Variants in OSBPL10 observed in about 807,000 individuals in gnomAD.
The protein encoded by OSBPL10 is oxysterol binding protein like 10, also known as oxysterol-binding protein-related protein 10.
A neutral mutation model predicts 81.7 loss-of-function variants in OSBPL10; 49 were observed. The ratio of observed to expected loss-of-function variants is 0.60; its 90% CI spans 0.48 to 0.76. OSBPL10 has a LOEUF of 0.76. Ranked by LOEUF, OSBPL10 falls within the 30% of genes least tolerant of loss-of-function variation. OSBPL10 has a pLI of 0.00. For missense variants in OSBPL10, 923 were observed against 987.8 expected, an observed-to-expected ratio of 0.93 and a Z score of 0.88; for synonymous variants, 419 against 383.6, an observed-to-expected ratio of 1.09 and a Z score of -1.08.
intron 1 of OSBPL10, among the ~76,000 whole-genome samples, chr3:31,916,827 G>T (rs1696770377): frequency 6.6e-6 from 1 of 152,122 alleles, no homozygotes; most frequent in African/African-American, 2.4e-5. Flanking sequence ...AAGACCAATT[G>T]TGTTGATTCA....
intron 4 of OSBPL10, among the ~76,000 whole-genome samples, chr3:31,776,209 C>T (rs926654683): frequency 2.0e-5 from 3 of 151,998 alleles, no homozygotes; most frequent in South Asian, 2.1e-4. Flanking sequence ...AACAAGCACA[C>T]GAAAAAAATG....
At chr3:31,887,028 C>T (rs1337549982) in intron 1 of OSBPL10, among the ~76,000 whole-genome samples, 7 of 152,106 alleles carry the variant, frequency 4.6e-5, no homozygotes, top group African/African-American at 7.2e-5. Flanking sequence ...CACGAACACA[C>T]TAATGGCAGA....
chr3:31,943,963 G>A (rs955951894), intron 1 of OSBPL10, among the ~76,000 whole-genome samples: 7 of 50,682 alleles, frequency 1.4e-4, no homozygotes, highest in South Asian at 9.7e-4. Flanking sequence ...GGAAGACTCC[G>A]TCTCAAAAAA....
chr3:31,896,472 G>C (rs1257258398), intron 1 of OSBPL10, among the ~76,000 whole-genome samples: 1 of 152,216 alleles, frequency 6.6e-6, no homozygotes, highest in Non-Finnish European at 1.5e-5. Flanking sequence ...CCCATCTCCA[G>C]CTCCCTCCTT....
chr3:31,747,867 T>C (rs1697574360), intron 5 of OSBPL10, 43 bp downstream of exon 5: 12 of 1,569,002 alleles, frequency 7.6e-6, no homozygotes, highest in Middle Eastern at 2.2e-4. Flanking sequence ...AGACACAGTG[T>C]GTGTACTCAT....
intron 3 of OSBPL10, among the ~76,000 whole-genome samples, chr3:31,869,160 CTA>C (rs1386183879): frequency 6.6e-6 from 1 of 152,174 alleles, no homozygotes; most frequent in Non-Finnish European, 1.5e-5. Flanking sequence ...CTTGCTTGAG[CTA>C]TATGACCTTA....
intron 8 of OSBPL10, among the ~76,000 whole-genome samples, chr3:31,680,566 A>C (rs1049112998): frequency 6.6e-6 from 1 of 152,158 alleles, no homozygotes; most frequent in Non-Finnish European, 1.5e-5. Context: ...GGATAGCTGG[A>C]CTCATCCGGG....
chr3:31,940,568 G>A (rs1167907487), intron 1 of OSBPL10, among the ~76,000 whole-genome samples: 1 of 152,152 alleles, frequency 6.6e-6, no homozygotes, highest in African/African-American at 2.4e-5. Context: ...TCATGGCAAA[G>A]GCCTTTGGGA....
intron 4 of OSBPL10, among the ~76,000 whole-genome samples, chr3:31,782,848 A>G (rs1051499691): frequency 7.2e-5 from 11 of 152,182 alleles, no homozygotes; most frequent in Non-Finnish European, 1.6e-4. Context: ...GAGAACGTCA[A>G]CTAGCGTAAC....
intron 4 of OSBPL10, among the ~76,000 whole-genome samples, chr3:31,765,418 C>T (rs1178951296): frequency 6.6e-6 from 1 of 152,122 alleles, no homozygotes; most frequent in Non-Finnish European, 1.5e-5. Flanking sequence ...CTTCTGTTCA[C>T]TGTTGTTTCC....
At chr3:31,823,820 TTTTAA>T (rs1402644856) in intron 4 of OSBPL10, among the ~76,000 whole-genome samples, 2 of 148,790 alleles carry the variant, frequency 1.3e-5, no homozygotes, top group Non-Finnish European at 3.0e-5. Flanking sequence ...ACTAGGCCCT[TTTTAA>T]TTTAATTTGT....
chr3:31,791,496 A>G (rs767335719), intron 4 of OSBPL10, among the ~76,000 whole-genome samples: 26 of 152,206 alleles, frequency 1.7e-4, no homozygotes, highest in Non-Finnish European at 3.7e-4. Flanking sequence ...ATAAGCATTC[A>G]CAGCAGGATC....
intron 3 of OSBPL10, among the ~76,000 whole-genome samples, chr3:31,861,299 T>C (rs1701052092): frequency 6.6e-6 from 1 of 152,174 alleles, no homozygotes; most frequent in Non-Finnish European, 1.5e-5. Flanking sequence ...AAGTCCCTGA[T>C]ATCAAATGGC....
At chr3:32,011,155 C>G (rs892167413) in intron 2 of OSBPL10, among the ~76,000 whole-genome samples, 2 of 152,214 alleles carry the variant, frequency 1.3e-5, no homozygotes, top group Admixed American at 6.5e-5. Context: ...CAAGTGGGTC[C>G]CTGACCCCCG....
chr3:31,685,369 ATTTTC>A (rs1387660191), intron 7 of OSBPL10, among the ~76,000 whole-genome samples: 1 of 151,996 alleles, frequency 6.6e-6, no homozygotes, highest in Non-Finnish European at 1.5e-5. Context: ...TACCCAGCTA[ATTTTC>A]TTTATTTTAG....
intron 7 of OSBPL10, among the ~76,000 whole-genome samples, chr3:31,691,234 A>G (rs776790310): frequency 3.9e-4 from 60 of 152,216 alleles, no homozygotes; most frequent in Non-Finnish European, 7.5e-4. Flanking sequence ...TTACATTTAA[A>G]GTTGCATCAA....
At chr3:31,662,159 A>C in intron 11 of OSBPL10, 43 bp from the exon 12 acceptor site, 1 of 1,613,242 alleles carries the variant, frequency 6.2e-7, no homozygotes, top group Non-Finnish European at 8.5e-7. Flanking sequence ...GAGACCTCTC[A>C]ACAGGGAAAA....
chr3:32,031,023 C>T (rs1274236127), intron 2 of OSBPL10, among the ~76,000 whole-genome samples: 2 of 151,924 alleles, frequency 1.3e-5, no homozygotes, highest in Non-Finnish European at 2.9e-5. Context: ...AAAAGATTAG[C>T]CTGGCGTTGT....
At chr3:31,772,292 T>C (rs924267943) in intron 4 of OSBPL10, among the ~76,000 whole-genome samples, 5 of 152,332 alleles carry the variant, frequency 3.3e-5, no homozygotes, top group Admixed American at 6.5e-5. Flanking sequence ...CCGTTCCACA[T>C]AACCCCTTTC....
Sources: allele counts gnomAD v4.1 joint callset (sites outside exome capture counted in the v4.1 genomes callset), GRCh38; gene constraint gnomAD v4.1.1; transcripts MANE v1.5; gene names NCBI Gene and HGNC (gene_info 2026-07-23, HGNC 2026-07-21).